Variants in THAP12 observed in about 807,000 individuals in gnomAD.
The protein encoded by THAP12 is 52 kDa repressor of the inhibitor of the protein kinase.
In THAP12, 20 loss-of-function variants were observed where a neutral mutation model predicts 63.0. The ratio of observed to expected loss-of-function variants is 0.32; its 90% CI spans 0.22 to 0.46. The LOEUF is 0.46. Among genes scored for constraint, THAP12 ranks in the 20% least tolerant of loss-of-function variants. The pLI, the probability that THAP12 is intolerant of heterozygous loss-of-function variation, is 1.00. For synonymous variants in THAP12, 264 were observed against 328.4 expected (o/e 0.80, Z 2.12); for missense variants, 568 against 908.2 (o/e 0.63, Z 4.81).
chr11:76,377,125 T>C (rs1345004544), intron 1 of THAP12, among the ~76,000 whole-genome samples: 1 of 152,198 alleles, frequency 6.6e-6, no homozygotes, highest in Non-Finnish European at 1.5e-5. Flanking sequence ...CCTTAACCCG[T>C]ACCACGGTTT....
At chr11:76,371,189 T>C (rs907148114) in intron 1 of THAP12, among the ~76,000 whole-genome samples, 12 of 151,850 alleles carry the variant, frequency 7.9e-5, no homozygotes, top group African/African-American at 2.2e-4. Context: ...TGCAGAGCAT[T>C]TTTTAAAGCC....
intron 1 of THAP12, among the ~76,000 whole-genome samples, chr11:76,373,068 CATGAAATA>C (rs1946685145): frequency 6.6e-6 from 1 of 152,152 alleles, no homozygotes; most frequent in African/African-American, 2.4e-5. Context: ...GCAAGGGTAA[CATGAAATA>C]ATGTATATAT....
At chr11:76,367,315 A>G (rs1244742745) in intron 1 of THAP12, among the ~76,000 whole-genome samples, 1 of 152,224 alleles carries the variant, frequency 6.6e-6, no homozygotes, top group East Asian at 1.9e-4. Context: ...ACCTCAGGTG[A>G]TCTGCCCGCC....
rs9666380 is a variant in THAP12 at position 76,351,765 on chromosome 11, T to C, written c.1385A>G (p.Tyr462Cys). ...GAGTACAAATGCTCGGCCAGCTATA[T>C]AGTTATTCCATCTAATATTTGTGTC... ...NSDTNIRWNNYIAGRAFVLCS... is the reference protein window; with the variant it reads ...NSDTNIRWNNCIAGRAFVLCS... Residue 462 changes from tyrosine (Y) to cysteine (C), a missense_variant, in exon 5 of 5, where the codon TAT (tyrosine) becomes TGT (cysteine). Physicochemically the swap from Tyr to Cys is radical, Grantham distance 194. Coordinates refer to ENST00000260045, the MANE Select transcript of THAP12 (RefSeq NM_004705.4). 33 of 1,613,352 alleles carry C rather than the reference T, an allele frequency of 2.0e-5. No homozygotes were observed. The highest frequency in any genetic ancestry group is 7.6e-6 in the Non-Finnish European group (9 of 1,179,560).
chr11:76,366,429 C>T (rs1191180242), intron 1 of THAP12, among the ~76,000 whole-genome samples: 5 of 152,238 alleles, frequency 3.3e-5, no homozygotes, highest in Non-Finnish European at 5.9e-5. Flanking sequence ...CGCCTGTAAT[C>T]CCAGCACTTT....
intron 1 of THAP12, among the ~76,000 whole-genome samples, chr11:76,370,520 G>T (rs1323654362): frequency 6.6e-6 from 1 of 151,908 alleles, no homozygotes; most frequent in East Asian, 1.9e-4. Context: ...ACGCCACCAT[G>T]CCTGGCTAAC....
In THAP12 at chr11:76,351,562, C is replaced by G. The variant is rs1227426205; in HGVS notation, c.1588G>C (p.Val530Leu). 1 of 1,578,600 alleles carries G rather than the reference C, an allele frequency of 6.3e-7. No individual in the cohort carries two copies. The highest frequency in any genetic ancestry group is 8.6e-7 in the Non-Finnish European group (1 of 1,159,846). The change falls in exon 5 of 5, where the codon GTT becomes CTT. Residue 530 changes from valine to leucine, a missense_variant. By Grantham distance (32) the Val-to-Leu change is conservative. Coordinates refer to ENST00000260045, the MANE Select transcript of THAP12 (RefSeq NM_004705.4). ...SLNEVMENIE[V>L]YHEFWFEEAT... ...TCCTCAAACCAAAATTCATGATAAACTTCAATATTTTCCATCACTTCGTTG... is the reference window on the plus strand; with the variant it reads ...TCCTCAAACCAAAATTCATGATAAAGTTCAATATTTTCCATCACTTCGTTG...
At chr11:76,358,412 C>A (rs543410840) in intron 3 of THAP12, 1 of 152,188 alleles carries the variant, frequency 6.6e-6, no homozygotes, top group African/African-American at 2.4e-5. Flanking sequence ...AGATGGTTCA[C>A]AGAAAATCCA....
chr11:76,365,587 A>T (rs1946625955), intron 2 of THAP12, among the ~76,000 whole-genome samples: 1 of 152,220 alleles, frequency 6.6e-6, no homozygotes, highest in African/African-American at 2.4e-5. Flanking sequence ...GCATCTGGCC[A>T]TGTTGCCCAG....
At chr11:76,377,674 G>T (rs944015102) in intron 1 of THAP12, among the ~76,000 whole-genome samples, 9 of 152,060 alleles carry the variant, frequency 5.9e-5, no homozygotes, top group Non-Finnish European at 1.0e-4. Context: ...TCTACCTTTT[G>T]ACTATTGCGA....
chr11:76,368,728 C>G (rs181897061), intron 1 of THAP12: 33 of 152,228 alleles, frequency 2.2e-4, no homozygotes, highest in Middle Eastern at 3.4e-3. Flanking sequence ...AAAAATAAAT[C>G]TTAACTCCTA....
At chr11:76,364,498 G>T in intron 2 of THAP12, 1 of 340,756 alleles carries the variant, frequency 2.9e-6, no homozygotes, top group African/African-American at 2.2e-5. Context: ...TCAAGTTTAT[G>T]TCTATCCCAA....
intron 4 of THAP12, 136 bp from the exon 5 acceptor site, chr11:76,352,930 A>C (rs936746672): frequency 1.2e-5 from 12 of 986,688 alleles, no homozygotes; most frequent in Non-Finnish European, 1.3e-5. Flanking sequence ...ACTAGACCAC[A>C]GACTAGGACA....
chr11:76,365,648 A>T (rs943727380), intron 2 of THAP12, among the ~76,000 whole-genome samples: 1 of 152,172 alleles, frequency 6.6e-6, no homozygotes, highest in Admixed American at 6.6e-5. Flanking sequence ...CGGCCTCCCA[A>T]AGTGCTGGGA....
At chr11:76,370,884 T>TATTC (rs145927250) in intron 1 of THAP12, among the ~76,000 whole-genome samples, 5,654 of 151,128 alleles carry the variant, frequency 0.037, 141 homozygotes, top group East Asian at 0.078. Context: ...TTCACATGTG[T>TATTC]ATTCATATGT....
At chr11:76,362,454 T>C (rs1427043020) in intron 2 of THAP12, among the ~76,000 whole-genome samples, 1 of 152,226 alleles carries the variant, frequency 6.6e-6, no homozygotes, top group East Asian at 1.9e-4. Flanking sequence ...AGAGTCAATA[T>C]TTTCTAGTTC....
In THAP12 at chr11:76,351,249, T is replaced by A; in HGVS notation, c.1901A>T (p.Asn634Ile). Residue 634 changes from asparagine to isoleucine, a missense_variant, in exon 5 of 5, where the codon AAT becomes ATT. Physicochemically the swap from Asn to Ile is moderately radical, Grantham distance 149 (BLOSUM62 -3). Coordinates refer to ENST00000260045, the MANE Select transcript of THAP12 (RefSeq NM_004705.4). ...AAGCTCAGCTGACAGCGTGTCAGGA[T>A]TGGGTAAGTCACTTCTATACATGTC... The part of the protein sequence containing the change: ...HADMYRSDLP[N>I]PDTLSAELHC... 6.4e-7 allele frequency: 1 copy of A among 1,557,992 alleles called. No homozygotes were observed. Among genetic ancestry groups the A allele is most frequent in the South Asian group, 1.2e-5 (1 of 81,150 alleles).
chr11:76,351,156 G>A lies in THAP12; in HGVS notation c.1994C>T (p.Ala665Val), dbSNP rs1946523489. ...DIELPSTIYE[A>V]LHLPDIKFFP... ...AAACTTGATGTCAGGCAGGTGGAGG[G>A]CTTCATAGATGGTGGACGGAAGCTC... The change falls in exon 5 of 5, where the codon GCC becomes GTC. Residue 665 changes from alanine to valine, a missense_variant. Transcript: ENST00000260045. 6.2e-7 allele frequency: 1 copy of A among 1,600,796 alleles called. No individual in the cohort carries two copies. The highest frequency in any genetic ancestry group is 8.5e-7 in the Non-Finnish European group (1 of 1,174,046).
intron 1 of THAP12, among the ~76,000 whole-genome samples, chr11:76,376,905 T>C (rs1201393449): frequency 1.3e-5 from 2 of 152,204 alleles, no homozygotes; most frequent in African/African-American, 4.8e-5. Flanking sequence ...AATAAACCTG[T>C]AAGAATGTCT....
Sources: allele counts gnomAD v4.1 joint callset (sites outside exome capture counted in the v4.1 genomes callset), GRCh38; gene constraint gnomAD v4.1.1; transcripts MANE v1.5; gene names NCBI Gene and HGNC (gene_info 2026-07-23, HGNC 2026-07-21).